EMSY: variants seen among roughly 807,000 people sequenced by gnomAD.
The protein encoded by EMSY is EMSY transcriptional repressor, BRCA2 interacting, also known as BRCA2-interacting transcriptional repressor EMSY.
Under a neutral mutation model 134.6 loss-of-function variants are expected in EMSY, and 26 were observed. The observed-to-expected ratio is 0.19, with a 90% CI of 0.14 to 0.27. The LOEUF is 0.27. Among genes scored for constraint, EMSY ranks in the 10% least tolerant of loss-of-function variants. The pLI is 1.00. For synonymous variants in EMSY, 579 were observed against 577.8 expected, an observed-to-expected ratio of 1.00 and a Z score of -0.03; for missense variants, 1,305 against 1,611.4, an observed-to-expected ratio of 0.81 and a Z score of 3.26.
chr11:76,527,612 C>CA (rs983416799), intron 13 of EMSY, among the ~76,000 whole-genome samples: 40 of 152,080 alleles, frequency 2.6e-4, no homozygotes, highest in African/African-American at 8.4e-4. Context: ...TCACTTGTTT[C>CA]ACTGTTTGTT....
chr11:76,487,653 T>G (rs1949243485), intron 8 of EMSY, among the ~76,000 whole-genome samples: 1 of 152,270 alleles, frequency 6.6e-6, no homozygotes, highest in Non-Finnish European at 1.5e-5. Flanking sequence ...CTTTGCTTTC[T>G]GATGGTTCAG....
intron 14 of EMSY, among the ~76,000 whole-genome samples, chr11:76,531,152 T>G (rs972630852): frequency 6.6e-6 from 1 of 152,216 alleles, no homozygotes; most frequent in African/African-American, 2.4e-5. Context: ...TACTTACATT[T>G]GTAGGCCTAT....
At chr11:76,550,183 G>A (rs368612310) in exon 21 of EMSY, 1 of 1,488,452 alleles carries the variant, frequency 6.7e-7, no homozygotes, top group Non-Finnish European at 9.0e-7. Context: ...AACCTGCTTG[G>A]TTACCAAGTG....
At chr11:76,522,208 A>T (rs1187517722) in intron 11 of EMSY, among the ~76,000 whole-genome samples, 1 of 152,108 alleles carries the variant, frequency 6.6e-6, no homozygotes, top group Non-Finnish European at 1.5e-5. Context: ...ATCAGTAGGT[A>T]TAGACCTATT....
intron 8 of EMSY, among the ~76,000 whole-genome samples, chr11:76,489,564 A>G (rs907979360): frequency 2.0e-5 from 3 of 150,660 alleles, no homozygotes; most frequent in Non-Finnish European, 3.0e-5. Flanking sequence ...TGATGTTAAT[A>G]TAGCCACTCC....
chr11:76,524,669 ATC>A (rs1356186931), intron 12 of EMSY, among the ~76,000 whole-genome samples: 2 of 152,224 alleles, frequency 1.3e-5, no homozygotes, highest in African/African-American at 2.4e-5. Context: ...GCTGTTAGAT[ATC>A]TCTGATAACA....
At chr11:76,551,314 T>A (rs910796164) in exon 21 of EMSY, 9 of 152,714 alleles carry the variant, frequency 5.9e-5, no homozygotes, top group East Asian at 3.8e-4. Flanking sequence ...TTTTCATTTT[T>A]AAAAATGTAA....
At chr11:76,542,156 T>C (rs761944838) in intron 17 of EMSY, 60 bp from the exon 19 acceptor site, 55 of 1,584,376 alleles carry the variant, frequency 3.5e-5, no homozygotes, top group East Asian at 2.2e-5. Flanking sequence ...TTAAAATGAC[T>C]ACTGGTTACA....
intron 14 of EMSY, among the ~76,000 whole-genome samples, chr11:76,535,682 G>A (rs1248840663): frequency 6.6e-6 from 1 of 152,082 alleles, no homozygotes; most frequent in Non-Finnish European, 1.5e-5. Context: ...TGTCCAGTTT[G>A]TTGTGAAATC....
At chr11:76,471,487 A>G (rs1948567125) in intron 7 of EMSY, among the ~76,000 whole-genome samples, 1 of 152,070 alleles carries the variant, frequency 6.6e-6, no homozygotes, top group African/African-American at 2.4e-5. Context: ...CTGTTCCAGG[A>G]TACCATATTA....
chr11:76,512,523 A>G (rs1462630879), intron 9 of EMSY, among the ~76,000 whole-genome samples: 1 of 152,068 alleles, frequency 6.6e-6, no homozygotes, highest in Non-Finnish European at 1.5e-5. Flanking sequence ...TCTCAAAAAC[A>G]GTTTTTATAT....
intron 16 of EMSY, among the ~76,000 whole-genome samples, 188 bp from the exon 18 acceptor site, chr11:76,539,411 C>T (rs1044530558): frequency 1.3e-5 from 2 of 151,996 alleles, no homozygotes; most frequent in African/African-American, 4.8e-5. Context: ...TTAAAATTGC[C>T]AAAGGGGAAA....
At chr11:76,473,323 T>C (rs1404145905) in intron 8 of EMSY, among the ~76,000 whole-genome samples, 1 of 151,922 alleles carries the variant, frequency 6.6e-6, no homozygotes, top group African/African-American at 2.4e-5. Context: ...TTTTTTCTCG[T>C]TGAGACAGGG....
At chr11:76,523,704 CTTTTTTTTT>C (rs746491659) in intron 12 of EMSY, among the ~76,000 whole-genome samples, 1 of 80,536 alleles carries the variant, frequency 1.2e-5, no homozygotes. Context: ...TTGTTACTTT[CTTTTTTTTT>C]TTTTTTTTTT....
At chr11:76,518,703 A>ATATATATATATATATTTT (rs57143914) in intron 11 of EMSY, among the ~76,000 whole-genome samples, 2 of 130,202 alleles carry the variant, frequency 1.5e-5, no homozygotes, top group Non-Finnish European at 3.2e-5. Flanking sequence ...ATATATATAT[A>ATATATATATATATATTTT]TTTTTTTTTT....
At chr11:76,541,062 T>TA (rs1350249245) in intron 17 of EMSY, among the ~76,000 whole-genome samples, 2 of 152,094 alleles carry the variant, frequency 1.3e-5, no homozygotes, top group South Asian at 2.1e-4. Context: ...CTGACTCTAC[T>TA]AAAAAATGCA....
At chr11:76,483,439 A>G (rs1278252665) in intron 8 of EMSY, among the ~76,000 whole-genome samples, 3 of 152,222 alleles carry the variant, frequency 2.0e-5, no homozygotes, top group African/African-American at 4.8e-5. Flanking sequence ...AAATGCCCCA[A>G]TTAAAAAACA....
Position 76,460,102 on chromosome 11 carries a change from G to A in EMSY, c.571+17G>A. The A allele has an allele frequency of 6.2e-7, 1 of 1,613,760 alleles. No homozygotes were observed. On this transcript the variant is annotated intron_variant, in intron 6 of 20. Transcript: ENST00000334736. ...ATGTCAAAAGTAAGTGATATTCTCA[G>A]TGTTATCAGGGCCTTCTTGGCTAAA... is the stretch of plus-strand genomic sequence containing the variant.
At chr11:76,531,347 A>G (rs1951033965) in intron 14 of EMSY, among the ~76,000 whole-genome samples, 1 of 152,200 alleles carries the variant, frequency 6.6e-6, no homozygotes, top group East Asian at 1.9e-4. Flanking sequence ...AGCTGCATTT[A>G]ACTGTTGTGG....
Sources: allele counts gnomAD v4.1 joint callset (sites outside exome capture counted in the v4.1 genomes callset), GRCh38; gene constraint gnomAD v4.1.1; transcripts MANE v1.5; gene names NCBI Gene and HGNC (gene_info 2026-07-23, HGNC 2026-07-21).